ISCA1: variants seen among roughly 807,000 people sequenced by gnomAD.
ISCA1 encodes the protein iron-sulfur cluster assembly 1 homolog, mitochondrial.
Under a neutral mutation model 14.7 loss-of-function variants are expected in ISCA1, and 9 were observed. The observed-to-expected ratio is 0.61, with a 90% CI of 0.37 to 1.07. The LOEUF (loss-of-function observed/expected upper bound fraction) is 1.07, where lower values mean the gene tolerates loss of function less well. Ranked by LOEUF, ISCA1 falls within the 50% of genes least tolerant of loss-of-function variation. The probability of loss-of-function intolerance (pLI) is 0.01; values close to 1 mark genes in which losing one functional copy is unlikely to be tolerated. For synonymous variants in ISCA1, 38 were observed against 54.3 expected (o/e 0.70, Z 1.32); for missense variants, 102 against 150.1 (o/e 0.68, Z 1.67).
intron 1 of ISCA1, 93 bp from the exon 2 acceptor site, chr9:86,274,335 T>C: frequency 1.2e-6 from 1 of 805,182 alleles, no homozygotes; most frequent in East Asian, 2.5e-5. Context: ...AGCAAATTCA[T>C]GTGACAAATT....
At chr9:86,268,856 A>G (rs1022273182) in intron 3 of ISCA1, among the ~76,000 whole-genome samples, 4 of 151,964 alleles carry the variant, frequency 2.6e-5, no homozygotes, top group African/African-American at 9.7e-5. Context: ...GTGCAATGGC[A>G]TGGTCTCGGC....
At chr9:86,277,090 A>G (rs1825447546) in intron 1 of ISCA1, among the ~76,000 whole-genome samples, 3 of 152,174 alleles carry the variant, frequency 2.0e-5, no homozygotes, top group South Asian at 4.1e-4. Context: ...TAAATTATCT[A>G]ATTTGGTTTT....
At chr9:86,280,594 CAAAA>C (rs59525482) in intron 1 of ISCA1, among the ~76,000 whole-genome samples, 2 of 97,874 alleles carry the variant, frequency 2.0e-5, no homozygotes. Flanking sequence ...AACCCTGTCT[CAAAA>C]AAAAAAAAAA....
chr9:86,270,139 A>G (rs1363565719), intron 3 of ISCA1, among the ~76,000 whole-genome samples: 1 of 146,584 alleles, frequency 6.8e-6, no homozygotes, highest in Non-Finnish European at 1.5e-5. Context: ...AGAAACTACC[A>G]TCAGAGTGAA....
intron 1 of ISCA1, among the ~76,000 whole-genome samples, chr9:86,278,441 G>A (rs1825468445): frequency 6.6e-6 from 1 of 152,246 alleles, no homozygotes; most frequent in African/African-American, 2.4e-5. Context: ...AAGGTGGGAG[G>A]ACGGCTTGAG....
chr9:86,280,575 A>C lies in ISCA1; in HGVS notation c.81+1803T>G, dbSNP rs921284361. On this transcript the variant is annotated intron_variant, in intron 1 of 3. Coordinates refer to ENST00000375991, the MANE Select transcript of ISCA1 (RefSeq NM_030940.4). ...ACGCCACTGCACTCCAGCCTGGGCA[A>C]CCCAGCGAAACCCTGTCTCAAAAAA... Among the ~76,000 whole-genome samples, 5 of 142,476 alleles carry C rather than the reference A, an allele frequency of 3.5e-5. No individual in the cohort carries two copies. In the East Asian group the frequency reaches 1.1e-3, roughly 31 times the overall value. 93.5% of individuals were successfully genotyped at this position (142,476 alleles called of 152,430 possible).
intron 1 of ISCA1, among the ~76,000 whole-genome samples, chr9:86,277,232 T>C (rs1425097090): frequency 1.1e-4 from 16 of 152,196 alleles, no homozygotes; most frequent in Admixed American, 1.0e-3. Context: ...ACTGAAGGAC[T>C]CTTTAAGGGA....
In ISCA1 at chr9:86,264,822, G is replaced by A. The variant is rs905979804; in HGVS notation, c.*1221C>T. Reference sequence around the variant, plus strand: ...TCATAGAATACTTATGTCAAACCCAGGAAAATCAGTAACTAAGTGACAAAA... The same window carrying A: ...TCATAGAATACTTATGTCAAACCCAAGAAAATCAGTAACTAAGTGACAAAA... On this transcript the variant is annotated 3_prime_UTR_variant, in exon 4 of 4. Transcript: ENST00000375991. 1 of 152,030 alleles carries A rather than the reference G, an allele frequency of 6.6e-6. No individual in the cohort carries two copies. Among genetic ancestry groups the A allele is most frequent in the African/African-American group, 2.4e-5 (1 of 41,390 alleles). 9.4% of individuals were successfully genotyped at this position (152,030 alleles called of 1,614,324 possible).
At chr9:86,282,322 G>A (rs1825531339) in intron 1 of ISCA1, 56 bp downstream of exon 1, 1 of 1,511,146 alleles carries the variant, frequency 6.6e-7, no homozygotes, top group East Asian at 2.5e-5. Context: ...ACCTCCCCTT[G>A]CACGGGGCGG....
intron 1 of ISCA1, among the ~76,000 whole-genome samples, chr9:86,277,140 G>C (rs774031846): frequency 6.6e-6 from 1 of 152,002 alleles, no homozygotes; most frequent in Non-Finnish European, 1.5e-5. Context: ...ACTTTTAGCA[G>C]GAAACACTTA....
rs1354750201 is a variant in ISCA1, at chr9:86,265,791, C to T, written c.*252G>A. The T allele has an allele frequency of 7.0e-6, 4 of 570,784 alleles. No homozygotes were observed. In the Admixed American group the frequency reaches 1.3e-4, roughly 18 times the overall value. The allele number at this position is 570,784 out of a possible 1,614,324, so 35.4% of individuals were successfully genotyped here. A position where few individuals can be genotyped will look rare whatever the true frequency, so the allele number is the denominator to read the frequency against. ...ATGGATAAACAGGTGCCCAGGAAGGCAACTTTAATGAAACTGGTTCTAAAA... is the reference window on the plus strand; with the variant it reads ...ATGGATAAACAGGTGCCCAGGAAGGTAACTTTAATGAAACTGGTTCTAAAA... On this transcript the variant is annotated 3_prime_UTR_variant, in exon 4 of 4. Coordinates refer to ENST00000375991, the MANE Select transcript of ISCA1 (RefSeq NM_030940.4).
intron 1 of ISCA1, 80 bp downstream of exon 1, chr9:86,282,298 T>A: frequency 3.5e-6 from 5 of 1,448,712 alleles, no homozygotes; most frequent in Non-Finnish European, 4.6e-6. Context: ...GCGGCCCCAC[T>A]CCCGGCCGCC....
At chr9:86,275,191 G>A (rs1825424926) in intron 1 of ISCA1, among the ~76,000 whole-genome samples, 1 of 152,054 alleles carries the variant, frequency 6.6e-6, no homozygotes, top group South Asian at 2.1e-4. Flanking sequence ...ACAGTGCCAG[G>A]CACAAAAATA....
chr9:86,277,711 G>A (rs1330800549), intron 1 of ISCA1, among the ~76,000 whole-genome samples: 1 of 152,106 alleles, frequency 6.6e-6, no homozygotes. Flanking sequence ...AGAAATTTAT[G>A]TACTATTAAT....
In ISCA1 at chr9:86,272,072, C is replaced by T. The variant is rs1176960931; in HGVS notation, c.176G>A (p.Gly59Asp). ...TGTATATTCTAGAGTATAAGAAAGG[C>T]CATTACAGCCCCTGGTTCGGACACC... ...KVGVRTRGCN[G>D]LSYTLEYTKT... Residue 59 changes from glycine to aspartate, a missense_variant, in exon 3 of 4, where the codon GGC (glycine) becomes GAC (aspartate). Gly to Asp is a moderately conservative substitution (Grantham distance 94, BLOSUM62 -1). Transcript: ENST00000375991. 2.5e-6 allele frequency: 4 copies of T among 1,605,776 alleles called. No homozygotes were observed. Among genetic ancestry groups the T allele is most frequent in the Admixed American group, 1.7e-5 (1 of 59,658 alleles).
intron 1 of ISCA1, among the ~76,000 whole-genome samples, chr9:86,278,812 T>A (rs1039329665): frequency 6.6e-6 from 1 of 152,266 alleles, no homozygotes; most frequent in Non-Finnish European, 1.5e-5. Context: ...AAGTGTTTAA[T>A]GGTTTAAACG....
chr9:86,272,924 C>T (rs1293767740), intron 2 of ISCA1, among the ~76,000 whole-genome samples: 1 of 152,040 alleles, frequency 6.6e-6, no homozygotes, highest in African/African-American at 2.4e-5. Flanking sequence ...CTATTTTTTT[C>T]CCAAATATTT....
At chr9:86,266,248 A>ATT in intron 3 of ISCA1, 57 bp from the exon 4 acceptor site, 1 of 1,533,590 alleles carries the variant, frequency 6.5e-7, no homozygotes, top group Admixed American at 2.2e-5. Context: ...GAACTTGCTG[A>ATT]TTCAAAGCAC....
intron 1 of ISCA1, among the ~76,000 whole-genome samples, chr9:86,278,573 G>A (rs142149448): frequency 2.4e-3 from 370 of 152,228 alleles, no homozygotes; most frequent in African/African-American, 8.5e-3. Flanking sequence ...GGGAGGCTGA[G>A]GTGAAAGGAT....
Sources: gnomAD v4.1 joint callset for allele counts (sites outside exome capture counted in the v4.1 genomes callset) on GRCh38, gnomAD v4.1.1 for gene constraint, MANE v1.5 for transcripts, NCBI Gene and HGNC (gene_info 2026-07-23, HGNC 2026-07-21) for gene names.